The following TNFAIP8 variants were observed in gnomAD, a reference collection of about 807,000 sequenced individuals.
TNFAIP8 encodes the protein tumor necrosis factor alpha-induced protein 8.
In TNFAIP8, 7 loss-of-function variants were observed where a neutral mutation model predicts 13.3. That is an observed-to-expected ratio of 0.52 (90% confidence interval 0.30 to 0.99). The LOEUF is 0.99. TNFAIP8 is among the 50% of genes least tolerant of loss of function. TNFAIP8 has a pLI of 0.07. For missense variants in TNFAIP8, 258 were observed against 236.9 expected, an observed-to-expected ratio of 1.09 and a Z score of -0.58; for synonymous variants, 94 against 87.6, an observed-to-expected ratio of 1.07 and a Z score of -0.41.
At chr5:119,306,120 A>G (rs1749545775) in intron 1 of TNFAIP8, among the ~76,000 whole-genome samples, 2 of 152,094 alleles carry the variant, frequency 1.3e-5, no homozygotes, top group South Asian at 4.2e-4. Flanking sequence ...TGAATTACCA[A>G]CCCCCTCTAC....
chr5:119,334,113 T>C (rs1039767466), intron 1 of TNFAIP8, among the ~76,000 whole-genome samples: 2 of 148,964 alleles, frequency 1.3e-5, no homozygotes, highest in Admixed American at 1.4e-4. Flanking sequence ...TGTTTGAATA[T>C]TGCTGTTGCC....
At chr5:119,340,975 A>G (rs1750716856) in intron 1 of TNFAIP8, among the ~76,000 whole-genome samples, 1 of 152,098 alleles carries the variant, frequency 6.6e-6, no homozygotes, top group Non-Finnish European at 1.5e-5. Flanking sequence ...AGCGGTGCAC[A>G]TGAAGGAAGC....
chr5:119,303,303 T>C (rs1488272600), intron 1 of TNFAIP8, among the ~76,000 whole-genome samples: 1 of 152,220 alleles, frequency 6.6e-6, no homozygotes, highest in Non-Finnish European at 1.5e-5. Flanking sequence ...GCTCAGAGTT[T>C]GGAAGTCAGA....
At chr5:119,388,065 A>C (rs2112856674) in intron 1 of TNFAIP8, among the ~76,000 whole-genome samples, 1 of 152,332 alleles carries the variant, frequency 6.6e-6, no homozygotes, top group South Asian at 2.1e-4. Context: ...CCTCTGGCAC[A>C]TGTCTAAACA....
At chr5:119,352,010 G>A (rs893088569), upstream of TNFAIP8, among the ~76,000 whole-genome samples, 1 of 151,782 alleles carries the variant, frequency 6.6e-6, no homozygotes, top group Non-Finnish European at 1.5e-5. Context: ...GGCTGGTCTC[G>A]AACTCCTGAC....
chr5:119,379,617 G>C (rs557862853), intron 1 of TNFAIP8, among the ~76,000 whole-genome samples: 1 of 151,924 alleles, frequency 6.6e-6, no homozygotes, highest in Non-Finnish European at 1.5e-5. Flanking sequence ...TTTGAGACAG[G>C]GTCTCATCTG....
chr5:119,367,591 T>A (rs1216552704), intron 1 of TNFAIP8, among the ~76,000 whole-genome samples: 1 of 152,210 alleles, frequency 6.6e-6, no homozygotes, highest in South Asian at 2.1e-4. Context: ...GCCAGATTTT[T>A]AAAAAAATGT....
rs868128532 is a variant in TNFAIP8, at chr5:119,350,998, C to G, written c.2-41818C>G. Among the ~76,000 whole-genome samples, 742 of 137,956 alleles carry G rather than the reference C, an allele frequency of 5.4e-3. 1 individual carries two copies. Among genetic ancestry groups the G allele is most frequent in the African/African-American group, 9.5e-3 (345 of 36,422 alleles). The allele number at this position is 137,956 out of a possible 152,430, so 90.5% of individuals were successfully genotyped here. A position where few individuals can be genotyped will look rare whatever the true frequency, so the allele number is the denominator to read the frequency against. ...TGTGTGTAGAGAGAGGGGTCTCACTCTGTGTGTGTGTGTGTGTGTGTGTGT... is the reference window on the plus strand; with the variant it reads ...TGTGTGTAGAGAGAGGGGTCTCACTGTGTGTGTGTGTGTGTGTGTGTGTGT... On this transcript the variant is annotated intron_variant, in intron 1 of 1. Transcript: ENST00000274456.
intron 1 of TNFAIP8, among the ~76,000 whole-genome samples, chr5:119,322,899 C>T (rs887587314): frequency 2.0e-5 from 3 of 152,170 alleles, no homozygotes; most frequent in Non-Finnish European, 4.4e-5. Flanking sequence ...TCTTTGATGT[C>T]TCATAGGCAA....
upstream of TNFAIP8, chr5:119,355,693 T>A (rs2112771539): frequency 3.1e-6 from 1 of 319,174 alleles, no homozygotes; most frequent in African/African-American, 2.2e-5. Context: ...TTTTTCTTTT[T>A]ATACCTTTTT....
At chr5:119,268,914 G>A (rs1470712784) in intron 1 of TNFAIP8, 1 of 699,686 alleles carries the variant, frequency 1.4e-6, no homozygotes, top group Non-Finnish European at 2.6e-6. Flanking sequence ...CCGAGTAAGT[G>A]GCTCCTGGGC....
intron 1 of TNFAIP8, among the ~76,000 whole-genome samples, chr5:119,358,645 C>G (rs1751524739): frequency 6.6e-6 from 1 of 152,258 alleles, no homozygotes; most frequent in South Asian, 2.1e-4. Flanking sequence ...AGGATATCAA[C>G]AGTTTCCAGT....
Position 119,297,314 on chromosome 5 carries a change from C to T in TNFAIP8, c.1+28407C>T, listed in dbSNP as rs971317339. Among the ~76,000 whole-genome samples, 18 of 151,998 alleles carry T rather than the reference C, an allele frequency of 1.2e-4. 1 individual carries two copies. The highest frequency in any genetic ancestry group is 2.9e-4 in the African/African-American group (12 of 41,356). On this transcript the variant is annotated intron_variant, in intron 1 of 1. Coordinates refer to the TNFAIP8 transcript ENST00000274456. ...GATTCTGGTATGTTGTGTCTTTGTT[C>T]TCGTTGGTTTCAAAGAACATCTTTA...
intron 1 of TNFAIP8, 121 bp downstream of exon 1, chr5:119,356,242 C>A: frequency 1.1e-6 from 1 of 900,754 alleles, no homozygotes; most frequent in Non-Finnish European, 1.6e-6. Flanking sequence ...GCTTGCCCTG[C>A]GCCTTCGAAG....
chr5:119,303,833 A>T (rs1185120479), intron 1 of TNFAIP8, among the ~76,000 whole-genome samples: 1 of 152,202 alleles, frequency 6.6e-6, no homozygotes, highest in Non-Finnish European at 1.5e-5. Flanking sequence ...AAACAGCCAC[A>T]CTTAGTTTCT....
chr5:119,370,446 A>C (rs1752031932), intron 1 of TNFAIP8, among the ~76,000 whole-genome samples: 1 of 152,258 alleles, frequency 6.6e-6, no homozygotes, highest in African/African-American at 2.4e-5. Context: ...AGAGAAGTTA[A>C]AAGATAAATA....
intron 1 of TNFAIP8, among the ~76,000 whole-genome samples, chr5:119,333,931 G>A (rs1247225598): frequency 6.6e-6 from 1 of 152,058 alleles, no homozygotes; most frequent in Non-Finnish European, 1.5e-5. Context: ...TTTCAGAGAT[G>A]GGACTCTGAA....
rs1748377158 is a variant in TNFAIP8 at position 119,274,281 on chromosome 5, G to C, written c.1+5374G>C. On this transcript the variant is annotated intron_variant, in intron 1 of 1. Transcript: ENST00000274456. ...ACAAACTTTGGTCACGTAAATCTTT[G>C]GGAAGTAAGTCCAGTACCTCATTCC... is the stretch of plus-strand genomic sequence containing the variant. 8.5e-5 allele frequency among the ~76,000 whole-genome samples: 13 copies of C among 152,342 alleles called. No homozygotes were observed. In the South Asian group the frequency reaches 2.7e-3, roughly 32 times the overall value.
intron 1 of TNFAIP8, among the ~76,000 whole-genome samples, chr5:119,337,602 T>A (rs1750597071): frequency 6.6e-6 from 1 of 151,596 alleles, no homozygotes; most frequent in Admixed American, 6.6e-5. Context: ...GAAAAAAAAA[T>A]AAAATAAAAA....
Sources: allele counts gnomAD v4.1 joint callset (sites outside exome capture counted in the v4.1 genomes callset), GRCh38; gene constraint gnomAD v4.1.1; transcripts MANE v1.5; gene names NCBI Gene and HGNC (gene_info 2026-07-23, HGNC 2026-07-21).